Variants in FAM120A observed in about 807,000 individuals in gnomAD.
FAM120A encodes the protein constitutive coactivator of PPAR-gamma-like protein 1.
A neutral mutation model predicts 109.7 loss-of-function variants in FAM120A; 15 were observed. The observed-to-expected ratio is 0.14, with a 90% CI of 0.09 to 0.21. FAM120A has a LOEUF of 0.21. Ranked by LOEUF, FAM120A falls within the 10% of genes least tolerant of loss-of-function variation. FAM120A has a pLI of 1.00. For missense variants in FAM120A, 899 were observed against 1,439.3 expected (o/e 0.62, Z 6.07); for synonymous variants, 493 against 572.8 (o/e 0.86, Z 1.99).
chr9:93,470,832 G>A (rs574663621), intron 1 of FAM120A, among the ~76,000 whole-genome samples: 1 of 152,108 alleles, frequency 6.6e-6, no homozygotes, highest in South Asian at 2.1e-4. Context: ...ATACTGTCAT[G>A]GGGTCAGCTG....
In FAM120A at chr9:93,451,705, A is replaced by AGCGGCG; in HGVS notation, c.-202_-197dup. 1 of 970,582 alleles carries AGCGGCG rather than the reference A, an allele frequency of 1.0e-6. No individual in the cohort carries two copies. The highest frequency in any genetic ancestry group is 1.2e-6 in the Non-Finnish European group (1 of 827,464). The allele number at this position is 970,582 out of a possible 1,614,324, so 60.1% of individuals were successfully genotyped here. On this transcript the variant is annotated 5_prime_UTR_variant, in exon 1 of 18. Transcript: ENST00000277165. ...TCGGCCTCGGCCTCGCAGCGGCGGCAGCGGCGGCGGCGGCAGGTCCCTCCC... is the reference window on the plus strand; with the variant it reads ...TCGGCCTCGGCCTCGCAGCGGCGGCAGCGGCGGCGGCGGCGGCGGCAGGTCCCTCCC...
chr9:93,561,325 TTAAG>T (rs1211086893), intron 16 of FAM120A, 75 bp downstream of exon 16: 3 of 1,404,740 alleles, frequency 2.1e-6, no homozygotes, highest in Middle Eastern at 2.0e-4. Context: ...TTTTGGAAGT[TTAAG>T]TAGGAACATT....
At chr9:93,552,195 A>G (rs946093456) in intron 12 of FAM120A, among the ~76,000 whole-genome samples, 6 of 152,208 alleles carry the variant, frequency 3.9e-5, no homozygotes, top group African/African-American at 7.2e-5. Context: ...CCATCAAGTT[A>G]CTTTTACTCA....
Position 93,452,547 on chromosome 9 carries a change from T to C in FAM120A, c.474+158T>C, listed in dbSNP as rs1443687805. 1.2e-5 allele frequency: 19 copies of C among 1,578,524 alleles called. No homozygotes were observed. Among genetic ancestry groups the C allele is most frequent in the Non-Finnish European group, 1.6e-5 (19 of 1,168,850 alleles). On this transcript the variant is annotated intron_variant, in intron 1 of 17. Coordinates refer to ENST00000277165, the MANE Select transcript of FAM120A (RefSeq NM_014612.5). The surrounding 1 kb of genome is among the most constrained non-coding windows in gnomAD (Gnocchi z 7.0). ...AGCCTGGCCGGGCCGGGCTGCAAGA[T>C]GGATGGCCGCGGGTGCAGGCCGCGC...
At chr9:93,517,303 A>G (rs778287601) in intron 7 of FAM120A, among the ~76,000 whole-genome samples, 8 of 152,274 alleles carry the variant, frequency 5.3e-5, no homozygotes, top group Non-Finnish European at 8.8e-5. Context: ...TGTATATGCA[A>G]TGCCAAGACT....
chr9:93,483,402 C>A (rs1446810143), intron 3 of FAM120A, among the ~76,000 whole-genome samples: 4 of 150,560 alleles, frequency 2.7e-5, no homozygotes. Context: ...TAAACATAGT[C>A]TATTGGGGAA....
Position 93,506,564 on chromosome 9 carries a change from C to A in FAM120A, c.1030+7678C>A, listed in dbSNP as rs189092418. Among the ~76,000 whole-genome samples, 374 of 151,422 alleles carry A rather than the reference C, an allele frequency of 2.5e-3. 2 individuals carry two copies. The highest frequency in any genetic ancestry group is 7.9e-3 in the African/African-American group (327 of 41,292). Reference sequence around the variant, plus strand: ...TTTTGATCTTCCTGATCCACTGAGCCAGCTGTGACTTAGGGCATGATTTTT... The same window carrying A: ...TTTTGATCTTCCTGATCCACTGAGCAAGCTGTGACTTAGGGCATGATTTTT... On this transcript the variant is annotated intron_variant, in intron 5 of 17. Transcript: ENST00000277165.
At chr9:93,457,673 A>G (rs1278520937) in intron 1 of FAM120A, among the ~76,000 whole-genome samples, 3 of 152,234 alleles carry the variant, frequency 2.0e-5, no homozygotes, top group Non-Finnish European at 4.4e-5. Flanking sequence ...TTTTAAAAAA[A>G]TTATTCCATT....
At chr9:93,545,562 T>C (rs757007223) in intron 11 of FAM120A, among the ~76,000 whole-genome samples, 2 of 152,186 alleles carry the variant, frequency 1.3e-5, no homozygotes, top group South Asian at 2.1e-4. Flanking sequence ...TTTGCAGGCA[T>C]GACTGACCAT....
intron 1 of FAM120A, among the ~76,000 whole-genome samples, chr9:93,466,611 T>G (rs1300832015): frequency 6.6e-6 from 1 of 152,028 alleles, no homozygotes; most frequent in East Asian, 1.9e-4. Context: ...TGCTGGGGTG[T>G]CTCTGTGTCT....
chr9:93,520,822 G>A (rs978062553), intron 7 of FAM120A, among the ~76,000 whole-genome samples: 1 of 152,240 alleles, frequency 6.6e-6, no homozygotes, highest in Non-Finnish European at 1.5e-5. Context: ...CACACAGATG[G>A]CAGCAGATCA....
At chr9:93,463,433 C>T (rs1000910193) in intron 1 of FAM120A, among the ~76,000 whole-genome samples, 1 of 152,178 alleles carries the variant, frequency 6.6e-6, no homozygotes, top group African/African-American at 2.4e-5. Context: ...AGAGAGATTT[C>T]TTTTTAGAGG....
chr9:93,462,968 T>C (rs1468010793), intron 1 of FAM120A, among the ~76,000 whole-genome samples: 2 of 152,204 alleles, frequency 1.3e-5, no homozygotes, highest in Non-Finnish European at 2.9e-5. Context: ...TTTTTGTCAT[T>C]GTAAATGGTG....
chr9:93,461,981 A>T (rs1014725220), intron 1 of FAM120A, among the ~76,000 whole-genome samples: 5 of 152,264 alleles, frequency 3.3e-5, no homozygotes, highest in Non-Finnish European at 7.3e-5. Context: ...GACTGTGATC[A>T]CATCACAAGC....
At chr9:93,562,137 A>G in intron 16 of FAM120A, 71 bp from the exon 17 acceptor site, 1 of 1,241,106 alleles carries the variant, frequency 8.1e-7, no homozygotes, top group Non-Finnish European at 1.2e-6. Context: ...CTTTAAAATC[A>G]TTTGATACTA....
At chr9:93,513,203 C>A (rs750534970) in intron 5 of FAM120A, among the ~76,000 whole-genome samples, 1 of 152,226 alleles carries the variant, frequency 6.6e-6, no homozygotes, top group Non-Finnish European at 1.5e-5. Context: ...CTATCAGAAT[C>A]ACCTGTGAAC....
chr9:93,527,961 A>G (rs544923323), intron 8 of FAM120A, among the ~76,000 whole-genome samples: 30 of 152,224 alleles, frequency 2.0e-4, no homozygotes, highest in Admixed American at 1.1e-3. Flanking sequence ...TAATAGTGAT[A>G]TCTAAAAATA....
At chr9:93,481,572 T>C (rs944826187) in intron 3 of FAM120A, among the ~76,000 whole-genome samples, 7 of 152,218 alleles carry the variant, frequency 4.6e-5, no homozygotes, top group African/African-American at 1.7e-4. Flanking sequence ...TTCAATTTCA[T>C]ATATTTTGAG....
At chr9:93,488,936 A>G (rs1218602531) in intron 3 of FAM120A, among the ~76,000 whole-genome samples, 1 of 151,394 alleles carries the variant, frequency 6.6e-6, no homozygotes, top group Non-Finnish European at 1.5e-5. Flanking sequence ...GTCTGATCTC[A>G]TCATTCCCCT....
Sources: gnomAD v4.1 joint callset for allele counts (sites outside exome capture counted in the v4.1 genomes callset) on GRCh38, gnomAD v4.1.1 for gene constraint, Gnocchi (gnomAD v3.1) non-coding constraint, MANE v1.5 for transcripts, NCBI Gene and HGNC (gene_info 2026-07-23, HGNC 2026-07-21) for gene names.